SLC2A9: variants seen among roughly 807,000 people sequenced by gnomAD.
SLC2A9 encodes the protein solute carrier family 2, facilitated glucose transporter member 9.
SLC2A9 carries 39 observed loss-of-function variants against 50.6 expected under a neutral mutation model. That is an observed-to-expected ratio of 0.77 (90% confidence interval 0.60 to 1.01). SLC2A9 has a LOEUF of 1.01. SLC2A9 is among the 50% of genes least tolerant of loss of function. SLC2A9 has a pLI of 0.00. For missense variants in SLC2A9, 686 were observed against 677.6 expected, an observed-to-expected ratio of 1.01 and a Z score of -0.14; for synonymous variants, 324 against 276.9, an observed-to-expected ratio of 1.17 and a Z score of -1.69.
intron 9 of SLC2A9, among the ~76,000 whole-genome samples, chr4:9,890,195 G>A (rs1000695904): frequency 3.3e-5 from 5 of 152,216 alleles, no homozygotes; most frequent in African/African-American, 1.2e-4. Flanking sequence ...CAGAGCCACT[G>A]TTCCTAAAAT....
chr4:9,950,549 G>A (rs114835332), intron 5 of SLC2A9, among the ~76,000 whole-genome samples: 1,981 of 151,988 alleles, frequency 0.013, 49 homozygotes, highest in African/African-American at 0.045. Context: ...AAACCGCAAT[G>A]AGATATCATC....
chr4:9,878,329 C>G (rs993205081), intron 10 of SLC2A9, among the ~76,000 whole-genome samples: 1 of 152,034 alleles, frequency 6.6e-6, no homozygotes, highest in Non-Finnish European at 1.5e-5. Context: ...GCTGGCCATG[C>G]TTGGAGGGTT....
intron 5 of SLC2A9, among the ~76,000 whole-genome samples, chr4:9,977,576 A>G (rs1446487341): frequency 5.8e-5 from 4 of 69,138 alleles, no homozygotes; most frequent in South Asian, 5.7e-4. Context: ...TGCTCCTGAC[A>G]CCTGAGTTTT....
At chr4:9,776,386 C>A (rs536020086), downstream of SLC2A9, among the ~76,000 whole-genome samples, 442 of 152,074 alleles carry the variant, frequency 2.9e-3, 2 homozygotes, top group Non-Finnish European at 5.1e-3. Context: ...CTGGATACCC[C>A]ACTGTTGCTC....
chr4:10,003,635 G>T (rs184035713), intron 2 of SLC2A9, among the ~76,000 whole-genome samples: 4 of 152,286 alleles, frequency 2.6e-5, no homozygotes, highest in Admixed American at 1.3e-4. Flanking sequence ...CCAGGTGAAA[G>T]GCCTTGTTAC....
At chr4:9,902,380 T>G (rs1346001547) in intron 8 of SLC2A9, among the ~76,000 whole-genome samples, 1 of 152,210 alleles carries the variant, frequency 6.6e-6, no homozygotes, top group Non-Finnish European at 1.5e-5. Flanking sequence ...CATCCTGGCC[T>G]TGGGCTCGTC....
intron 10 of SLC2A9, among the ~76,000 whole-genome samples, chr4:9,846,188 C>G (rs1300502361): frequency 6.6e-6 from 1 of 152,232 alleles, no homozygotes; most frequent in Non-Finnish European, 1.5e-5. Context: ...TCTGCCCTTT[C>G]TCTAGGAGAG....
In SLC2A9 at chr4:9,782,309, G is replaced by A. The variant is rs1718538857; in HGVS notation, n.386-2244C>T. 1.9e-6 allele frequency: 3 copies of A among 1,614,034 alleles called. No individual in the cohort carries two copies. In the African/African-American group the frequency reaches 4.0e-5, roughly 21 times the overall value. ...GTCAGACCTTTTCGTGGCGCTGCTGGTCATGCCCTGGAAGGCAGTCGCCGA... is the reference window on the plus strand; with the variant it reads ...GTCAGACCTTTTCGTGGCGCTGCTGATCATGCCCTGGAAGGCAGTCGCCGA... On this transcript the variant is annotated intron_variant and non_coding_transcript_variant, in intron 3 of 3. Coordinates refer to the SLC2A9 transcript ENST00000503803.
intron 1 of SLC2A9, among the ~76,000 whole-genome samples, chr4:9,773,890 A>G (rs1356428121): frequency 6.6e-6 from 1 of 152,168 alleles, no homozygotes; most frequent in Non-Finnish European, 1.5e-5. Flanking sequence ...GAAAGACTGA[A>G]GGCTGTGGAG....
intron 8 of SLC2A9, 80 bp from the exon 9 acceptor site, chr4:9,890,791 C>G: frequency 7.9e-7 from 1 of 1,263,270 alleles, no homozygotes; most frequent in Non-Finnish European, 1.1e-6. Flanking sequence ...TGGGAACCGG[C>G]AATGGCATCA....
intron 5 of SLC2A9, among the ~76,000 whole-genome samples, chr4:9,969,026 C>T (rs921220683): frequency 1.3e-5 from 2 of 152,150 alleles, no homozygotes; most frequent in Non-Finnish European, 2.9e-5. Context: ...TGATGGACTT[C>T]CCCAGCATCA....
At chr4:9,782,384 T>C (rs1410785781) in intron 3 of SLC2A9, 1 of 1,614,044 alleles carries the variant, frequency 6.2e-7, no homozygotes, top group East Asian at 2.2e-5. Context: ...CTGGGTGGCC[T>C]TCGACATCAT....
At chr4:9,905,841 G>C (rs1336206482) in intron 8 of SLC2A9, among the ~76,000 whole-genome samples, 1 of 152,126 alleles carries the variant, frequency 6.6e-6, no homozygotes, top group South Asian at 2.1e-4. Context: ...GTCGGTGGCA[G>C]GGACAGTAGG....
chr4:9,889,846 G>A (rs959171614), intron 9 of SLC2A9, among the ~76,000 whole-genome samples: 1 of 152,214 alleles, frequency 6.6e-6, no homozygotes, highest in Admixed American at 6.5e-5. Context: ...CCATGCAGGG[G>A]GCAGAAGCCC....
At chr4:9,865,925 C>A (rs1018956128) in intron 10 of SLC2A9, among the ~76,000 whole-genome samples, 1 of 152,198 alleles carries the variant, frequency 6.6e-6, no homozygotes, top group African/African-American at 2.4e-5. Flanking sequence ...GCAAACAGAG[C>A]ATTTCAAAGC....
chr4:9,986,679 G>T (rs1391082002), intron 3 of SLC2A9, among the ~76,000 whole-genome samples: 2 of 150,558 alleles, frequency 1.3e-5, no homozygotes, highest in Non-Finnish European at 3.0e-5. Flanking sequence ...TGGCATCTTA[G>T]ATTTGATGAA....
At chr4:9,858,981 C>A (rs1731166247) in intron 10 of SLC2A9, among the ~76,000 whole-genome samples, 2 of 152,192 alleles carry the variant, frequency 1.3e-5, no homozygotes, top group African/African-American at 4.8e-5. Flanking sequence ...ACATCAGACT[C>A]CGAGCTCTTC....
chr4:9,843,947 G>A (rs992822466), intron 10 of SLC2A9, among the ~76,000 whole-genome samples: 5 of 152,060 alleles, frequency 3.3e-5, no homozygotes, highest in Non-Finnish European at 5.9e-5. Flanking sequence ...ATAACATATA[G>A]TGGCTCTTGC....
upstream of SLC2A9, chr4:10,026,093 A>C: frequency 1.1e-6 from 1 of 948,692 alleles, no homozygotes. Flanking sequence ...CAGTCTTCGA[A>C]AGGTTTGCTG....
Sources: gnomAD v4.1 joint callset for allele counts (sites outside exome capture counted in the v4.1 genomes callset) on GRCh38, gnomAD v4.1.1 for gene constraint, MANE v1.5 for transcripts, NCBI Gene and HGNC (gene_info 2026-07-23, HGNC 2026-07-21) for gene names.